Variants in FAM167A observed in about 807,000 individuals in gnomAD.
FAM167A encodes protein FAM167A.
A neutral mutation model predicts 14.9 loss-of-function variants in FAM167A; 23 were observed. The ratio of observed to expected loss-of-function variants is 1.55; its 90% confidence interval spans 1.11 to 2.19. FAM167A has a LOEUF of 2.19. FAM167A is among the 30% of genes most tolerant of loss of function. The pLI, the probability that FAM167A is intolerant of heterozygous loss-of-function variation, is 0.00. For synonymous variants in FAM167A, 174 were observed against 117.7 expected (o/e 1.48, Z -3.10); for missense variants, 401 against 281.5 (o/e 1.42, Z -3.04).
At chr8:11,437,959 A>G in intron 2 of FAM167A, 1 of 307,816 alleles carries the variant, frequency 3.2e-6, no homozygotes, top group Admixed American at 4.8e-5. Context: ...AGATCATCTC[A>G]GAACTCAACT....
chr8:11,444,449 C>T lies in FAM167A; in HGVS notation c.-38G>A, dbSNP rs781655895. On this transcript the variant is annotated 5_prime_UTR_variant, in exon 2 of 3. It adds an upstream start codon to the 5' untranslated region. Transcript: ENST00000284486. The stretch of plus-strand genomic sequence containing the variant: ...CCTGGCAGCCGGACATGCGAGGGCA[C>T]GGGGGGCGCAGGGGGAGGCTTGGTG... The T allele has an allele frequency of 1.3e-4, 191 of 1,479,580 alleles. No individual in the cohort carries two copies. The highest frequency in any genetic ancestry group is 2.1e-4 in the Admixed American group (9 of 43,890). 91.7% of individuals were successfully genotyped at this position (1,479,580 alleles called of 1,614,324 possible).
Position 11,422,973 on chromosome 8 carries a change from T to G in FAM167A, c.*1400A>C, listed in dbSNP as rs1804862594. The G allele has an allele frequency of 6.6e-6, 1 of 152,628 alleles. No individual in the cohort carries two copies. The highest frequency in any genetic ancestry group is 2.1e-4 in the South Asian group (1 of 4,826). 9.5% of individuals were successfully genotyped at this position (152,628 alleles called of 1,614,324 possible). A position where few individuals can be genotyped will look rare whatever the true frequency, so the allele number is the denominator to read the frequency against. On this transcript the variant is annotated 3_prime_UTR_variant, in exon 3 of 3. Coordinates refer to ENST00000284486, the MANE Select transcript of FAM167A (RefSeq NM_053279.3). ...GGCAGTGTGCGGGTTTGGCAAAGCA[T>G]CACGACCATCTTTGGGGTTCAAGTT...
rs952617431 is a variant in FAM167A at position 11,422,577 on chromosome 8, G to T, written c.*1796C>A. On this transcript the variant is annotated 3_prime_UTR_variant, in exon 3 of 3. Transcript: ENST00000284486. ...ATGGCAGACAGTAGATCTTGGCTGC[G>T]TTGTTCTGCCTACTTTGAAGGAGGC... 3.6e-4 allele frequency: 55 copies of T among 152,714 alleles called. No homozygotes were observed. Among genetic ancestry groups the T allele is most frequent in the African/African-American group, 1.3e-3 (55 of 41,556 alleles). The allele number at this position is 152,714 out of a possible 1,614,324, so 9.5% of individuals were successfully genotyped here.
intron 1 of FAM167A, among the ~76,000 whole-genome samples, chr8:11,453,098 G>A (rs1032560511): frequency 2.6e-5 from 4 of 152,158 alleles, no homozygotes; most frequent in African/African-American, 9.7e-5. Flanking sequence ...CCCTCCTCCA[G>A]GCTTCCTCTC....
intron 2 of FAM167A, among the ~76,000 whole-genome samples, chr8:11,432,273 G>C (rs1056472949): frequency 6.6e-6 from 1 of 152,218 alleles, no homozygotes; most frequent in African/African-American, 2.4e-5. Flanking sequence ...ACTATCATCA[G>C]AGTGAACAGG....
chr8:11,470,938 C>A (rs1585289754), upstream of FAM167A, among the ~76,000 whole-genome samples: 1 of 152,188 alleles, frequency 6.6e-6, no homozygotes, highest in East Asian at 1.9e-4. Context: ...GGCTGAAGTT[C>A]AGAAGGACAA....
At chr8:11,435,140 C>A (rs1805919330) in intron 2 of FAM167A, 2 of 456,544 alleles carry the variant, frequency 4.4e-6, no homozygotes, top group Non-Finnish European at 4.4e-6. Flanking sequence ...ACCTCTCCAG[C>A]CTCCTCTCCC....
chr8:11,463,131 T>C (rs1422309389), intron 1 of FAM167A, among the ~76,000 whole-genome samples: 2 of 152,240 alleles, frequency 1.3e-5, no homozygotes, highest in African/African-American at 4.8e-5. Flanking sequence ...GAATTTGCTC[T>C]GAGGCTGCTT....
In FAM167A at chr8:11,421,725, G is replaced by A. The variant is rs1015293416; in HGVS notation, c.*2648C>T. The stretch of plus-strand genomic sequence containing the variant: ...TCAAGACATGACCACGCATGGCAGT[G>A]TCGGTGGAGAGTTTGCGTTTTACAC... On this transcript the variant is annotated 3_prime_UTR_variant, in exon 3 of 3. Transcript: ENST00000284486. 1.2e-4 allele frequency: 47 copies of A among 398,934 alleles called. No individual in the cohort carries two copies. Among genetic ancestry groups the A allele is most frequent in the Middle Eastern group, 6.2e-4 (1 of 1,610 alleles). The allele number at this position is 398,934 out of a possible 1,614,324, so 24.7% of individuals were successfully genotyped here.
chr8:11,441,358 A>G (rs571097963), intron 2 of FAM167A, among the ~76,000 whole-genome samples: 158 of 152,320 alleles, frequency 1.0e-3, no homozygotes, highest in Non-Finnish European at 6.6e-4. Flanking sequence ...GACTAACAGA[A>G]TAGTGTCACC....
intron 1 of FAM167A, among the ~76,000 whole-genome samples, chr8:11,456,425 T>TGTGAGTGTGA (rs1807311163): frequency 1.2e-5 from 1 of 82,612 alleles, no homozygotes; most frequent in African/African-American, 4.5e-5. Context: ...CCTTGCTGGG[T>TGTGAGTGTGA]GTATGAGTGT....
chr8:11,437,093 G>C (rs372174346), intron 2 of FAM167A, among the ~76,000 whole-genome samples: 20 of 152,304 alleles, frequency 1.3e-4, no homozygotes, highest in Admixed American at 1.1e-3. Flanking sequence ...CTGTCTTCTT[G>C]GGAAGAACAT....
intron 2 of FAM167A, chr8:11,443,822 G>A: frequency 1.7e-6 from 1 of 602,314 alleles, no homozygotes; most frequent in East Asian, 3.0e-5. Context: ...TCTGCAATTA[G>A]GGGCTGATGA....
intron 2 of FAM167A, among the ~76,000 whole-genome samples, chr8:11,437,738 C>A (rs1334565385): frequency 1.3e-5 from 2 of 152,128 alleles, no homozygotes; most frequent in Non-Finnish European, 2.9e-5. Flanking sequence ...CTACCCCATA[C>A]CGTCGTGTGC....
intron 1 of FAM167A, among the ~76,000 whole-genome samples, chr8:11,462,710 T>A (rs1475912999): frequency 6.6e-6 from 1 of 152,196 alleles, no homozygotes; most frequent in Non-Finnish European, 1.5e-5. Context: ...GGTTTCATTA[T>A]GCCAGCTACA....
chr8:11,431,377 A>G (rs1352338911), intron 2 of FAM167A, among the ~76,000 whole-genome samples: 3 of 152,216 alleles, frequency 2.0e-5, no homozygotes, highest in African/African-American at 7.2e-5. Flanking sequence ...CAGTGGTGCC[A>G]AGGGCTGGGG....
At chr8:11,471,944 A>G (rs1371392145), upstream of FAM167A, among the ~76,000 whole-genome samples, 5 of 151,776 alleles carry the variant, frequency 3.3e-5, no homozygotes, top group Admixed American at 6.6e-5. Flanking sequence ...CTGAGGCCTC[A>G]CTCCCACCTC....
chr8:11,473,127 A>G (rs1808011006), intron 1 of FAM167A, among the ~76,000 whole-genome samples: 1 of 152,232 alleles, frequency 6.6e-6, no homozygotes, highest in Non-Finnish European at 1.5e-5. Flanking sequence ...TATGGAAGCC[A>G]GGACAGGGAA....
chr8:11,442,125 G>T (rs762423640), intron 2 of FAM167A, among the ~76,000 whole-genome samples: 1 of 152,192 alleles, frequency 6.6e-6, no homozygotes, highest in Admixed American at 6.5e-5. Context: ...GGCCTATGGA[G>T]CCTGGCTCTA....
Sources: gnomAD v4.1 joint callset for allele counts (sites outside exome capture counted in the v4.1 genomes callset) on GRCh38, gnomAD v4.1.1 for gene constraint, MANE v1.5 for transcripts, NCBI Gene and HGNC (gene_info 2026-07-23, HGNC 2026-07-21) for gene names.